KLHL29: variants seen among roughly 807,000 people sequenced by gnomAD.
KLHL29 encodes kelch like family member 29.
A neutral mutation model predicts 80.4 loss-of-function variants in KLHL29; 21 were observed. That is an observed-to-expected ratio of 0.26 (90% confidence interval 0.19 to 0.38). KLHL29 has a LOEUF of 0.38. Among genes scored for constraint, KLHL29 ranks in the 10% least tolerant of loss-of-function variants. The pLI is 1.00. For missense variants in KLHL29, 867 were observed against 1,223.9 expected, an observed-to-expected ratio of 0.71 and a Z score of 4.35; for synonymous variants, 511 against 526.8, an observed-to-expected ratio of 0.97 and a Z score of 0.41.
intron 1 of KLHL29, among the ~76,000 whole-genome samples, chr2:23,446,427 C>T: frequency 6.6e-6 from 1 of 152,064 alleles, no homozygotes; most frequent in East Asian, 1.9e-4. Context: ...TCATATTCTT[C>T]CATAGTCGAG....
rs1043439319 is a variant in KLHL29, at chr2:23,503,600, C to T, written c.-46+27933C>T. On this transcript the variant is annotated intron_variant, in intron 2 of 13. Transcript: ENST00000486442. This position sits in a 1 kb window ranked among gnomAD's most constrained non-coding sequence, Gnocchi z 4.0. ...CCACCGAGACTGCTGCAGCCTCGCT[C>T]ATCCAGAACAGAGGCACCATGGCCA... Among the ~76,000 whole-genome samples, 2 of 151,080 alleles carry T rather than the reference C, an allele frequency of 1.3e-5. No homozygotes were observed. Among genetic ancestry groups the T allele is most frequent in the Admixed American group, 6.6e-5 (1 of 15,130 alleles).
At chr2:23,483,192 A>G (rs2103443467) in intron 2 of KLHL29, among the ~76,000 whole-genome samples, 1 of 152,260 alleles carries the variant, frequency 6.6e-6, no homozygotes, top group East Asian at 1.9e-4. Flanking sequence ...CACACACTTG[A>G]GGGGGTGAGA....
chr2:23,609,054 T>C (rs551881288), intron 3 of KLHL29, among the ~76,000 whole-genome samples: 15 of 152,212 alleles, frequency 9.9e-5, no homozygotes, highest in Non-Finnish European at 1.9e-4. Context: ...CACTGGGTTC[T>C]ATTTTGTCTG....
At chr2:23,652,700 A>G (rs924929268) in intron 5 of KLHL29, among the ~76,000 whole-genome samples, 1 of 152,212 alleles carries the variant, frequency 6.6e-6, no homozygotes, top group Admixed American at 6.5e-5. Flanking sequence ...CTTTTCTATA[A>G]TAATTGTGGC....
rs911424858 is a variant in KLHL29, at chr2:23,695,838, C to T, written c.1741+17C>T. 10 of 1,542,426 alleles carry T rather than the reference C, an allele frequency of 6.5e-6. No homozygotes were observed. In the African/African-American group the frequency reaches 1.4e-4, roughly 21 times the overall value. ...TCTCTGCAGGTATGAAGGGGCACGC[C>T]CCGAACCTCCCAAGAAGCAGTGTCT... On this transcript the variant is annotated intron_variant, in intron 9 of 13. Coordinates refer to ENST00000486442, the MANE Select transcript of KLHL29 (RefSeq NM_052920.2). The surrounding 1 kb of genome is among the most constrained non-coding windows in gnomAD (Gnocchi z 7.6).
intron 5 of KLHL29, chr2:23,668,539 CA>C (rs1670618478): frequency 6.6e-6 from 1 of 152,356 alleles, no homozygotes; most frequent in African/African-American, 2.4e-5. Context: ...CCTCGGCCTG[CA>C]GAAGTCCAGG....
At chr2:23,499,007 C>T (rs1665354314) in intron 2 of KLHL29, among the ~76,000 whole-genome samples, 2 of 152,196 alleles carry the variant, frequency 1.3e-5, no homozygotes, top group African/African-American at 2.4e-5. Context: ...ATCACGTTTC[C>T]TTTCGTGGCC....
At chr2:23,607,212 CAG>C (rs1345817399) in intron 3 of KLHL29, among the ~76,000 whole-genome samples, 2 of 152,140 alleles carry the variant, frequency 1.3e-5, no homozygotes, top group Non-Finnish European at 2.9e-5. Flanking sequence ...GGTGGTGACT[CAG>C]AGAGGGCCTG....
Position 23,642,840 on chromosome 2 carries a change from G to A in KLHL29, c.930G>A (p.Gly310=), listed in dbSNP as rs1669811097. Residue 310 remains glycine (G), a synonymous_variant, in exon 5 of 14, where the codon GGG becomes GGA. Transcript: ENST00000486442. The stretch of plus-strand genomic sequence containing the variant: ...GGAAGTATGAGTTCACCGACCCGGG[G>A]CACCCCAGAGGTAAGTCCTGCTGCC... ...GVGKYEFTDP[G]HPREMLKELN... is the part of the protein sequence containing the mutation. 3 of 1,550,452 alleles carry A rather than the reference G, an allele frequency of 1.9e-6. No individual in the cohort carries two copies. The highest frequency in any genetic ancestry group is 4.9e-5 in the East Asian group (2 of 40,904).
At chr2:23,480,322 A>G (rs1472125745) in intron 2 of KLHL29, among the ~76,000 whole-genome samples, 2 of 152,176 alleles carry the variant, frequency 1.3e-5, no homozygotes, top group Admixed American at 6.5e-5. Flanking sequence ...CCCCATCTCT[A>G]CTATAAATAA....
chr2:23,494,810 T>C (rs1665209388), intron 2 of KLHL29, among the ~76,000 whole-genome samples: 1 of 152,184 alleles, frequency 6.6e-6, no homozygotes, highest in Non-Finnish European at 1.5e-5. Context: ...TCTCCCTGCT[T>C]TCCGGGCTCC....
At chr2:23,660,569 T>C (rs976913848) in intron 5 of KLHL29, among the ~76,000 whole-genome samples, 1 of 152,188 alleles carries the variant, frequency 6.6e-6, no homozygotes, top group African/African-American at 2.4e-5. Context: ...GAGTTGGTTC[T>C]CATAGCCAAA....
At chr2:23,676,665 G>A (rs1041709292) in intron 5 of KLHL29, among the ~76,000 whole-genome samples, 1 of 152,224 alleles carries the variant, frequency 6.6e-6, no homozygotes, top group Admixed American at 6.5e-5. Flanking sequence ...TTAAGGAATG[G>A]ATGGGACCCT....
At chr2:23,517,870 TC>T (rs539946938) in intron 2 of KLHL29, among the ~76,000 whole-genome samples, 130 of 152,324 alleles carry the variant, frequency 8.5e-4, no homozygotes, top group African/African-American at 2.8e-3. Context: ...GGCCTTCCAT[TC>T]TTTGAGCCTT....
At chr2:23,529,272 G>A (rs1459794265) in intron 2 of KLHL29, among the ~76,000 whole-genome samples, 1 of 152,084 alleles carries the variant, frequency 6.6e-6, no homozygotes, top group Non-Finnish European at 1.5e-5. Flanking sequence ...ACCACACCTG[G>A]CTAATTTTTT....
In KLHL29 at chr2:23,635,204, G is replaced by A. The variant is rs142508253; in HGVS notation, c.286-3935G>A. On this transcript the variant is annotated intron_variant, in intron 3 of 13. Coordinates refer to ENST00000486442, the MANE Select transcript of KLHL29 (RefSeq NM_052920.2). ...CAAAAGCCTCTCGGGGCTGTGTGTC[G>A]CAGACTCGTGGGTACACAGCCTGGT... Among the ~76,000 whole-genome samples the A allele has an allele frequency of 1.0e-3, 158 of 152,352 alleles. 4 individuals are homozygous for A. The East Asian group carries it at 0.026, about 25-fold the overall frequency.
At chr2:23,537,412 G>A (rs1558378685) in intron 2 of KLHL29, among the ~76,000 whole-genome samples, 2 of 109,118 alleles carry the variant, frequency 1.8e-5, no homozygotes, top group Admixed American at 1.8e-4. Flanking sequence ...GCGGTGGGCA[G>A]AAACTACACA....
At chr2:23,674,067 A>G (rs1670858012) in intron 5 of KLHL29, among the ~76,000 whole-genome samples, 1 of 152,166 alleles carries the variant, frequency 6.6e-6, no homozygotes, top group Admixed American at 6.5e-5. Flanking sequence ...TGACTCCGTC[A>G]GGAAGAACCA....
chr2:23,666,340 G>A (rs955551544), intron 5 of KLHL29, among the ~76,000 whole-genome samples: 5 of 152,216 alleles, frequency 3.3e-5, no homozygotes, highest in Non-Finnish European at 7.3e-5. Context: ...GATCTTCAGA[G>A]CCACATCCCA....
Sources: gnomAD v4.1 joint callset for allele counts (sites outside exome capture counted in the v4.1 genomes callset) on GRCh38, gnomAD v4.1.1 for gene constraint, Gnocchi (gnomAD v3.1) non-coding constraint, MANE v1.5 for transcripts, NCBI Gene and HGNC (gene_info 2026-07-23, HGNC 2026-07-21) for gene names.